Variants in EXOC5 observed in about 807,000 individuals in gnomAD.
The protein encoded by EXOC5 is SEC10-like 1.
EXOC5 carries 17 observed loss-of-function variants against 90.8 expected under a neutral mutation model. That is an observed-to-expected ratio of 0.19 (90% CI 0.13 to 0.28). The LOEUF (loss-of-function observed/expected upper bound fraction) is 0.28. Among genes scored for constraint, EXOC5 ranks in the 10% least tolerant of loss-of-function variants. The pLI is 1.00. For synonymous variants in EXOC5, 260 were observed against 270.0 expected, an observed-to-expected ratio of 0.96 and a Z score of 0.36; for missense variants, 569 against 830.6, an observed-to-expected ratio of 0.69 and a Z score of 3.87.
chr14:57,229,282 T>A (rs1883404595), intron 12 of EXOC5, among the ~76,000 whole-genome samples: 1 of 152,182 alleles, frequency 6.6e-6, no homozygotes, highest in Non-Finnish European at 1.5e-5. Context: ...TTGTTCCTAA[T>A]CAGAGTAAAT....
Position 57,206,528 on chromosome 14 carries a change from A to G in EXOC5, c.*2081T>C, listed in dbSNP as rs1271413496. 2 of 152,182 alleles carry G rather than the reference A, an allele frequency of 1.3e-5. No homozygotes were observed. Among genetic ancestry groups the G allele is most frequent in the Admixed American group, 1.3e-4 (2 of 15,248 alleles). 9.4% of individuals were successfully genotyped at this position (152,182 alleles called of 1,614,324 possible). A position where few individuals can be genotyped will look rare whatever the true frequency, so the allele number is the denominator to read the frequency against. On this transcript the variant is annotated 3_prime_UTR_variant, in exon 18 of 18. Coordinates refer to ENST00000621441, the MANE Select transcript of EXOC5 (RefSeq NM_006544.4). The stretch of plus-strand genomic sequence containing the variant: ...AAAATCTCAAATTTTTAAATAAAAA[A>G]TCATTTATAAAATTCAGGATGGATG...
intron 1 of EXOC5, among the ~76,000 whole-genome samples, chr14:57,248,218 A>T (rs1267792155): frequency 6.6e-6 from 1 of 151,986 alleles, no homozygotes; most frequent in Non-Finnish European, 1.5e-5. Context: ...AGTATTAGGT[A>T]ACATCAGTGT....
intron 1 of EXOC5, among the ~76,000 whole-genome samples, chr14:57,261,480 C>T (rs1291878953): frequency 6.6e-6 from 1 of 152,220 alleles, no homozygotes; most frequent in African/African-American, 2.4e-5. Flanking sequence ...TACTCTTAAG[C>T]ATCAACCTCT....
chr14:57,268,529 T>C (rs1011229290), intron 1 of EXOC5, 93 bp downstream of exon 1: 2 of 1,539,330 alleles, frequency 1.3e-6, no homozygotes, highest in African/African-American at 1.4e-5. Flanking sequence ...GGGCTCCTCC[T>C]GGGCAGCCAG....
intron 3 of EXOC5, among the ~76,000 whole-genome samples, chr14:57,245,846 AGT>A (rs1486111993): frequency 1.3e-5 from 2 of 152,076 alleles, no homozygotes; most frequent in Non-Finnish European, 2.9e-5. Context: ...TGAGGTCAGG[AGT>A]TCAAGACAAA....
intron 15 of EXOC5, among the ~76,000 whole-genome samples, chr14:57,210,673 T>C (rs1018557206): frequency 3.7e-4 from 57 of 152,208 alleles, no homozygotes; most frequent in African/African-American, 1.3e-3. Context: ...CTGTCTGGCA[T>C]TACCATCACT....
At chr14:57,245,191 T>C (rs1883998617) in intron 3 of EXOC5, among the ~76,000 whole-genome samples, 2 of 152,156 alleles carry the variant, frequency 1.3e-5, no homozygotes, top group African/African-American at 2.4e-5. Flanking sequence ...GATTGTCCTG[T>C]GGCATATGGA....
intron 12 of EXOC5, among the ~76,000 whole-genome samples, chr14:57,223,649 T>TA (rs1883220138): frequency 1.3e-5 from 2 of 152,066 alleles, no homozygotes; most frequent in Admixed American, 1.3e-4. Flanking sequence ...CATCCATGAA[T>TA]AATAGACAGA....
At chr14:57,228,890 A>T (rs1883395859) in intron 12 of EXOC5, among the ~76,000 whole-genome samples, 2 of 150,944 alleles carry the variant, frequency 1.3e-5, no homozygotes. Context: ...GGAACATATT[A>T]TGTACTATAA....
At chr14:57,209,521 T>C in intron 17 of EXOC5, 46 bp downstream of exon 17, 5 of 1,032,028 alleles carry the variant, frequency 4.8e-6, no homozygotes, top group Non-Finnish European at 2.9e-6. Flanking sequence ...ATCTGACTTA[T>C]GCTCCTGGGC....
At chr14:57,249,717 T>C (rs1469292674) in intron 1 of EXOC5, among the ~76,000 whole-genome samples, 1 of 151,616 alleles carries the variant, frequency 6.6e-6, no homozygotes, top group Non-Finnish European at 1.5e-5. Context: ...ATGAAGAAAA[T>C]GAAAGAGGAT....
chr14:57,255,838 C>CAAA (rs1258346261), intron 1 of EXOC5, among the ~76,000 whole-genome samples: 3 of 59,924 alleles, frequency 5.0e-5, no homozygotes, highest in African/African-American at 5.2e-5. Context: ...TCTCCAAAAG[C>CAAA]AAAAAAAAAA....
intron 5 of EXOC5, 198 bp downstream of exon 5, chr14:57,239,397 A>G (rs971846054): frequency 4.8e-6 from 2 of 416,666 alleles, no homozygotes; most frequent in Admixed American, 8.7e-5. Flanking sequence ...AGATATTAAG[A>G]AGAGACTGTA....
rs1037558772 is a variant in EXOC5, at chr14:57,222,361, A to C, written c.1352T>G (p.Val451Gly). 8.1e-6 allele frequency: 13 copies of C among 1,603,844 alleles called. No individual in the cohort carries two copies. The East Asian group carries it at 2.9e-4, about 36-fold the overall frequency. ...AATATGCTCAATACATAAAAATTCC[A>C]CAAGAATGGTAAAAATTCTGAAGGC... Reference protein sequence around the residue: ...RNAFRIFTILVEFLCIEHIDY... With the variant: ...RNAFRIFTILGEFLCIEHIDY... The change falls in exon 13 of 18, where the codon GTG (valine) becomes GGG (glycine). Residue 451 changes from valine to glycine, a missense_variant. Physicochemically the swap from Val to Gly is moderately radical, Grantham distance 109 (BLOSUM62 -3). Around this residue, in one of 9 missense-constraint regions of EXOC5, gnomAD observed 56 missense variants for 51.1 expected, o/e 1.10. Coordinates refer to ENST00000621441, the MANE Select transcript of EXOC5 (RefSeq NM_006544.4).
intron 1 of EXOC5, chr14:57,268,288 T>A: frequency 6.1e-6 from 3 of 494,770 alleles, no homozygotes; most frequent in Non-Finnish European, 1.1e-5. Flanking sequence ...AGTCAGCCCT[T>A]CCCACTACTC....
intron 1 of EXOC5, among the ~76,000 whole-genome samples, chr14:57,266,817 C>T (rs754020578): frequency 2.1e-4 from 32 of 150,898 alleles, no homozygotes; most frequent in Non-Finnish European, 4.4e-4. Context: ...TATATTTCCC[C>T]ACCTCCTCCC....
At chr14:57,267,884 G>T (rs1884731012) in intron 1 of EXOC5, among the ~76,000 whole-genome samples, 1 of 152,014 alleles carries the variant, frequency 6.6e-6, no homozygotes, top group South Asian at 2.1e-4. Context: ...TACACTTAAG[G>T]TGCATTATAT....
chr14:57,201,542 TAC>T lies in EXOC5; in HGVS notation c.*7065_*7066del, dbSNP rs1205091695. Reference sequence around the variant, plus strand: ...TATATATACACACACACCACACATATACATATATTTTTATATATATTAATATT... The same window carrying T: ...TATATATACACACACACCACACATATATATATTTTTATATATATTAATATT... On this transcript the variant is annotated 3_prime_UTR_variant, in exon 18 of 18. Coordinates refer to ENST00000621441, the MANE Select transcript of EXOC5 (RefSeq NM_006544.4). 1 of 136,346 alleles carries T rather than the reference TAC, an allele frequency of 7.3e-6. No homozygotes were observed. Among genetic ancestry groups the T allele is most frequent in the East Asian group, 2.1e-4 (1 of 4,802 alleles). The allele number at this position is 136,346 out of a possible 1,614,324, so 8.4% of individuals were successfully genotyped here.
intron 1 of EXOC5, among the ~76,000 whole-genome samples, chr14:57,262,739 A>G (rs1021364081): frequency 1.2e-4 from 12 of 100,824 alleles, no homozygotes; most frequent in African/African-American, 7.6e-4. Flanking sequence ...ATACGTATAT[A>G]TGTGTGTGTG....
Sources: allele counts gnomAD v4.1 joint callset (sites outside exome capture counted in the v4.1 genomes callset), GRCh38; gene constraint gnomAD v4.1.1; regional missense constraint gnomAD v4.1.1; transcripts MANE v1.5; gene names NCBI Gene and HGNC (gene_info 2026-07-23, HGNC 2026-07-21).